KCNB2: variants seen among roughly 807,000 people sequenced by gnomAD.
KCNB2 encodes the protein delayed rectifier potassium channel protein.
In KCNB2, 15 loss-of-function variants were observed where a neutral mutation model predicts 61.5. The observed-to-expected ratio is 0.24, with a 90% confidence interval of 0.16 to 0.38. KCNB2 has a LOEUF of 0.38. KCNB2 is among the 10% of genes least tolerant of loss of function. KCNB2 has a pLI of 1.00. For missense variants in KCNB2, 828 were observed against 1,125.2 expected (o/e 0.74, Z 3.78); for synonymous variants, 457 against 446.0 (o/e 1.02, Z -0.31).
At chr8:72,930,516 G>A (rs1806757030) in intron 2 of KCNB2, among the ~76,000 whole-genome samples, 1 of 152,182 alleles carries the variant, frequency 6.6e-6, no homozygotes, top group South Asian at 2.1e-4. Context: ...GTATTTCATT[G>A]TGGTTTTGAT....
chr8:72,716,039 C>T (rs536478292), intron 2 of KCNB2, among the ~76,000 whole-genome samples: 22 of 152,218 alleles, frequency 1.4e-4, no homozygotes, highest in Admixed American at 3.3e-4. Flanking sequence ...AACATCTCTA[C>T]GCAAATAAAC....
intron 2 of KCNB2, among the ~76,000 whole-genome samples, chr8:72,768,678 G>A (rs1238783113): frequency 6.6e-6 from 1 of 151,966 alleles, no homozygotes; most frequent in Admixed American, 6.5e-5. Context: ...TTTTTCCTAA[G>A]AATTTTATAG....
At position 72,565,176 on chromosome 8, in the gene KCNB2, C is replaced by T. The variant is rs142185086; in HGVS notation, c.-93-2466C>T. On this transcript the variant is annotated intron_variant, in intron 1 of 2. Coordinates refer to ENST00000523207, the MANE Select transcript of KCNB2 (RefSeq NM_004770.3). ...ATATATGCTTAAAATATTCCTGTAA[C>T]TCTGTAGTTGAAAAAACTCCTGCTG... is the stretch of plus-strand genomic sequence containing the variant. Among the ~76,000 whole-genome samples the T allele has an allele frequency of 8.9e-4, 136 of 151,996 alleles. 2 individuals carry two copies. Among genetic ancestry groups the T allele is most frequent in the African/African-American group, 2.9e-3 (120 of 41,486 alleles).
At position 72,913,824 on chromosome 8, in the gene KCNB2, C is replaced by T. The variant is rs531374184; in HGVS notation, c.580-22111C>T. 3.8e-4 allele frequency among the ~76,000 whole-genome samples: 58 copies of T among 152,348 alleles called. 2 individuals carry two copies. The South Asian group carries it at 8.3e-3, about 22-fold the overall frequency. ...GTTCTCCAGATATGACACTTTTCAA[C>T]AAACATTTCATGAATATATCATTGT... On this transcript the variant is annotated intron_variant, in intron 2 of 2. Coordinates refer to ENST00000523207, the MANE Select transcript of KCNB2 (RefSeq NM_004770.3).
intron 2 of KCNB2, among the ~76,000 whole-genome samples, chr8:72,780,119 C>T (rs1405663798): frequency 6.6e-6 from 1 of 152,170 alleles, no homozygotes; most frequent in Non-Finnish European, 1.5e-5. Flanking sequence ...TAGTGGTTCA[C>T]ACTCAGAGCT....
intron 2 of KCNB2, among the ~76,000 whole-genome samples, chr8:72,745,574 TTCATCA>T (rs1325311485): frequency 2.6e-5 from 4 of 152,152 alleles, no homozygotes; most frequent in Non-Finnish European, 5.9e-5. Flanking sequence ...CCATGAAACT[TTCATCA>T]TTCCCCTCTC....
At chr8:72,568,870 G>C (rs1464035339) in intron 2 of KCNB2, among the ~76,000 whole-genome samples, 1 of 151,776 alleles carries the variant, frequency 6.6e-6, no homozygotes, top group African/African-American at 2.4e-5. Flanking sequence ...ATGCATCCAC[G>C]TACCTCCCCT....
intron 2 of KCNB2, among the ~76,000 whole-genome samples, chr8:72,695,763 C>G (rs1302479535): frequency 6.6e-6 from 1 of 152,132 alleles, no homozygotes; most frequent in Non-Finnish European, 1.5e-5. Flanking sequence ...TGACTTTTGA[C>G]ACATCAGTAT....
intron 2 of KCNB2, among the ~76,000 whole-genome samples, chr8:72,781,115 G>C (rs1015397904): frequency 3.3e-5 from 5 of 151,830 alleles, no homozygotes; most frequent in Non-Finnish European, 5.9e-5. Flanking sequence ...CTAGATATTA[G>C]ACCTTTGTCA....
At chr8:72,706,423 C>T (rs975704497) in intron 2 of KCNB2, among the ~76,000 whole-genome samples, 1 of 152,200 alleles carries the variant, frequency 6.6e-6, no homozygotes, top group Non-Finnish European at 1.5e-5. Context: ...GTGTAGTCCA[C>T]AGTGACCCAT....
chr8:72,915,548 T>C (rs1806382211), intron 2 of KCNB2, among the ~76,000 whole-genome samples: 1 of 151,930 alleles, frequency 6.6e-6, no homozygotes, highest in Non-Finnish European at 1.5e-5. Context: ...GACACAGACA[T>C]AGAATATTAG....
intron 2 of KCNB2, among the ~76,000 whole-genome samples, chr8:72,914,209 C>G (rs1806351642): frequency 6.6e-6 from 1 of 152,096 alleles, no homozygotes; most frequent in African/African-American, 2.4e-5. Context: ...GTGGGCTCTA[C>G]CTTCAAGACC....
At chr8:72,889,533 A>T (rs1405550262) in intron 2 of KCNB2, among the ~76,000 whole-genome samples, 1 of 152,008 alleles carries the variant, frequency 6.6e-6, no homozygotes, top group Non-Finnish European at 1.5e-5. Context: ...ACAAAAAATA[A>T]AAATTTCACC....
At chr8:72,650,310 C>T (rs919447771) in intron 2 of KCNB2, among the ~76,000 whole-genome samples, 39 of 152,234 alleles carry the variant, frequency 2.6e-4, no homozygotes, top group African/African-American at 9.1e-4. Flanking sequence ...GACTTTCAGT[C>T]GCCAGATGCC....
chr8:72,872,564 G>A (rs1805636367), intron 2 of KCNB2, among the ~76,000 whole-genome samples: 1 of 152,182 alleles, frequency 6.6e-6, no homozygotes, highest in Non-Finnish European at 1.5e-5. Context: ...AAGTTGAAGA[G>A]GTTTCTGTGA....
intron 2 of KCNB2, among the ~76,000 whole-genome samples, chr8:72,783,327 A>G (rs1370560310): frequency 1.1e-4 from 16 of 152,096 alleles, no homozygotes. Flanking sequence ...CCCTTACCCC[A>G]GGCTACAAGG....
chr8:72,906,274 C>T (rs1806174901), intron 2 of KCNB2, among the ~76,000 whole-genome samples: 1 of 152,140 alleles, frequency 6.6e-6, no homozygotes. Flanking sequence ...TGTATAGTTT[C>T]TAATCTAAAA....
At chr8:72,908,380 A>G (rs1216937174) in intron 2 of KCNB2, among the ~76,000 whole-genome samples, 1 of 152,132 alleles carries the variant, frequency 6.6e-6, no homozygotes. Context: ...TTTTACTATT[A>G]TCTATCTCCC....
chr8:72,814,422 C>T (rs1441496414), intron 2 of KCNB2, among the ~76,000 whole-genome samples: 1 of 152,046 alleles, frequency 6.6e-6, no homozygotes, highest in Non-Finnish European at 1.5e-5. Context: ...ACCAGTTTTC[C>T]AAAGTGGTTA....
Sources: gnomAD v4.1 joint callset for allele counts (sites outside exome capture counted in the v4.1 genomes callset) on GRCh38, gnomAD v4.1.1 for gene constraint, MANE v1.5 for transcripts, NCBI Gene and HGNC (gene_info 2026-07-23, HGNC 2026-07-21) for gene names.